LSAMP: variants seen among roughly 807,000 people sequenced by gnomAD.
The protein encoded by LSAMP is limbic system associated membrane protein.
LSAMP carries 7 observed loss-of-function variants against 38.6 expected under a neutral mutation model. That is an observed-to-expected ratio of 0.18 (90% CI 0.10 to 0.34). The LOEUF is 0.34. Ranked by LOEUF, LSAMP falls within the 10% of genes least tolerant of loss-of-function variation. LSAMP has a pLI of 1.00. For missense variants in LSAMP, 313 were observed against 420.0 expected, an observed-to-expected ratio of 0.75 and a Z score of 2.23; for synonymous variants, 154 against 166.8, an observed-to-expected ratio of 0.92 and a Z score of 0.59.
At chr3:116,172,516 T>A (rs1710226776) in intron 1 of LSAMP, among the ~76,000 whole-genome samples, 1 of 152,022 alleles carries the variant, frequency 6.6e-6, no homozygotes, top group Admixed American at 6.6e-5. Context: ...TAGCTTGTGA[T>A]AGAGCATAAA....
intron 1 of LSAMP, among the ~76,000 whole-genome samples, chr3:116,357,072 C>T (rs549493172): frequency 2.8e-4 from 43 of 152,236 alleles, no homozygotes; most frequent in Non-Finnish European, 5.3e-4. Flanking sequence ...GGATTACAAG[C>T]GTGAGCCATC....
At chr3:115,848,048 C>CACAA (rs1553739831) in intron 4 of LSAMP, among the ~76,000 whole-genome samples, 1 of 151,708 alleles carries the variant, frequency 6.6e-6, no homozygotes, top group Non-Finnish European at 1.5e-5. Flanking sequence ...ATAATAGATT[C>CACAA]ATATTAGGAT....
chr3:116,019,410 A>G, intron 3 of LSAMP, 105 bp downstream of exon 3: 1 of 1,386,876 alleles, frequency 7.2e-7, no homozygotes, highest in Non-Finnish European at 9.9e-7. Context: ...CAGAATTTCA[A>G]TTCTGATTCT....
intron 1 of LSAMP, among the ~76,000 whole-genome samples, chr3:116,352,194 G>A (rs2048150218): frequency 6.6e-6 from 1 of 152,008 alleles, no homozygotes; most frequent in Admixed American, 6.6e-5. Context: ...TCAACACAAA[G>A]GGAATCTTTA....
In LSAMP at chr3:116,430,473, T is replaced by C. The variant is rs2049266036; in HGVS notation, c.155+14404A>G. Among the ~76,000 whole-genome samples the C allele has an allele frequency of 3.3e-5, 5 of 152,190 alleles. No individual in the cohort carries two copies. In the South Asian group the frequency reaches 1.0e-3, roughly 32 times the overall value. ...AAAGATGTTTTTATTTTTGTTTTTA[T>C]TTTAATAATATTTCCTAATAGAGGT... On this transcript the variant is annotated intron_variant, in intron 1 of 6. Coordinates refer to ENST00000490035, the MANE Select transcript of LSAMP (RefSeq NM_002338.5).
chr3:116,402,307 T>C (rs1195050824), intron 1 of LSAMP, among the ~76,000 whole-genome samples: 1 of 152,220 alleles, frequency 6.6e-6, no homozygotes, highest in Non-Finnish European at 1.5e-5. Context: ...ACTTTTCATT[T>C]AAGAAAGATC....
chr3:116,121,141 C>T (rs1462686942), intron 1 of LSAMP, among the ~76,000 whole-genome samples: 1 of 152,190 alleles, frequency 6.6e-6, no homozygotes, highest in Non-Finnish European at 1.5e-5. Context: ...AACTCACTGG[C>T]CTTTCTGCAG....
intron 1 of LSAMP, among the ~76,000 whole-genome samples, chr3:116,187,729 G>T (rs955154819): frequency 6.6e-6 from 1 of 152,016 alleles, no homozygotes. Flanking sequence ...CATACCAAAG[G>T]TATATCACAT....
chr3:116,011,325 C>G (rs967387195), intron 3 of LSAMP, among the ~76,000 whole-genome samples: 1 of 152,106 alleles, frequency 6.6e-6, no homozygotes, highest in Non-Finnish European at 1.5e-5. Context: ...TCTTGAAGGT[C>G]TTGCAAGAAT....
chr3:115,903,652 A>G (rs1936937153), intron 3 of LSAMP, among the ~76,000 whole-genome samples: 1 of 152,150 alleles, frequency 6.6e-6, no homozygotes, highest in South Asian at 2.1e-4. Context: ...TATAAATTTT[A>G]CCTTATTGAG....
At chr3:116,315,526 T>G (rs2047616957) in intron 1 of LSAMP, among the ~76,000 whole-genome samples, 1 of 152,158 alleles carries the variant, frequency 6.6e-6, no homozygotes, top group African/African-American at 2.4e-5. Context: ...CCTAGAGAAT[T>G]CTCCATTGAT....
intron 1 of LSAMP, among the ~76,000 whole-genome samples, chr3:116,113,262 A>G (rs1183367332): frequency 1.3e-5 from 2 of 150,192 alleles, no homozygotes; most frequent in Non-Finnish European, 2.9e-5. Flanking sequence ...GAATGTTTGT[A>G]TTTGGCCATG....
chr3:116,144,249 A>T (rs1463447616), intron 1 of LSAMP, among the ~76,000 whole-genome samples: 5 of 152,008 alleles, frequency 3.3e-5, no homozygotes, highest in Non-Finnish European at 1.5e-5. Flanking sequence ...CAAATACTTT[A>T]TATTAGGCTG....
At chr3:116,281,412 A>G (rs1251635334) in intron 1 of LSAMP, among the ~76,000 whole-genome samples, 3 of 152,182 alleles carry the variant, frequency 2.0e-5, no homozygotes, top group Non-Finnish European at 4.4e-5. Flanking sequence ...CTCATTTTAT[A>G]ATTAGAAAGA....
At chr3:116,144,446 C>A (rs2107519337) in intron 1 of LSAMP, among the ~76,000 whole-genome samples, 1 of 151,916 alleles carries the variant, frequency 6.6e-6, no homozygotes, top group Non-Finnish European at 1.5e-5. Flanking sequence ...TCATCTGAGT[C>A]CAGGAGGATG....
chr3:116,294,683 G>T (rs35910525), intron 1 of LSAMP, among the ~76,000 whole-genome samples: 26,524 of 152,046 alleles, frequency 0.17, 3,684 homozygotes, highest in African/African-American at 0.38. Context: ...TAAATATTAA[G>T]AAATGTTATG....
In LSAMP at chr3:116,385,694, T is replaced by G. The variant is rs1444094354; in HGVS notation, c.155+59183A>C. Among the ~76,000 whole-genome samples the G allele has an allele frequency of 2.0e-5, 3 of 152,300 alleles. No individual in the cohort carries two copies. The East Asian group carries it at 5.8e-4, about 29-fold the overall frequency. ...TGTATTTTATTGGAATGTCTTTCCTTAATAGGTCTGCTTATTTTTAAATAT... is the reference window on the plus strand; with the variant it reads ...TGTATTTTATTGGAATGTCTTTCCTGAATAGGTCTGCTTATTTTTAAATAT... On this transcript the variant is annotated intron_variant, in intron 1 of 6. Coordinates refer to ENST00000490035, the MANE Select transcript of LSAMP (RefSeq NM_002338.5).
At chr3:116,309,908 C>T (rs1228322422) in intron 1 of LSAMP, among the ~76,000 whole-genome samples, 3 of 152,054 alleles carry the variant, frequency 2.0e-5, no homozygotes, top group Non-Finnish European at 4.4e-5. Context: ...GTATTGCTGC[C>T]CTTGTTTTTG....
intron 2 of LSAMP, among the ~76,000 whole-genome samples, chr3:116,033,901 CTT>C (rs1940988272): frequency 6.6e-6 from 1 of 152,100 alleles, no homozygotes; most frequent in African/African-American, 2.4e-5. Context: ...AGGAATTTTT[CTT>C]GCTTGACTTT....
Sources: allele counts gnomAD v4.1 joint callset (sites outside exome capture counted in the v4.1 genomes callset), GRCh38; gene constraint gnomAD v4.1.1; transcripts MANE v1.5; gene names NCBI Gene and HGNC (gene_info 2026-07-23, HGNC 2026-07-21).